The following POF1B variants were observed in gnomAD, a reference collection of about 807,000 sequenced individuals.
POF1B encodes protein POF1B.
POF1B carries 53 observed loss-of-function variants against 55.3 expected under a neutral mutation model. The observed-to-expected ratio is 0.96, with a 90% CI of 0.77 to 1.20. POF1B has a LOEUF of 1.20. Among genes scored for constraint, POF1B ranks in the 50% most tolerant of loss-of-function variants. The pLI is 0.00. For synonymous variants in POF1B, 188 were observed against 148.3 expected, an observed-to-expected ratio of 1.27 and a Z score of -1.95; for missense variants, 478 against 420.5, an observed-to-expected ratio of 1.14 and a Z score of -1.20.
At chrX:85,309,901 T>A (rs919669509) in intron 9 of POF1B, among the ~76,000 whole-genome samples, 3 of 112,083 alleles carry the variant, frequency 2.7e-5, no homozygotes, top group East Asian at 2.8e-4. Context: ...TGCACTGTGA[T>A]GTCAGTTGAG....
chrX:85,289,867 G>A (rs1406840844), intron 15 of POF1B, among the ~76,000 whole-genome samples: 4 of 111,293 alleles, frequency 3.6e-5, no homozygotes, highest in Non-Finnish European at 7.5e-5. Flanking sequence ...TCTAATTTTC[G>A]ACAGAAAATT....
chrX:85,357,945 C>T (rs190263191), intron 4 of POF1B, among the ~76,000 whole-genome samples: 188 of 111,046 alleles, frequency 1.7e-3, no homozygotes, highest in African/African-American at 5.4e-3. Context: ...TCTACTTCTC[C>T]TCCCACTCAC....
intron 6 of POF1B, among the ~76,000 whole-genome samples, chrX:85,333,136 G>T (rs188308560): frequency 1.1e-4 from 12 of 109,972 alleles, no homozygotes; most frequent in African/African-American, 3.6e-4. Context: ...ACTCTTTGGG[G>T]CACACACCAT....
Position 85,331,007 on chromosome X carries a change from G to A in POF1B, c.796C>T (p.Arg266Cys), listed in dbSNP as rs138273664. 10 of 1,202,119 alleles carry A rather than the reference G, an allele frequency of 8.3e-6. No individual in the cohort carries two copies. The highest frequency in any genetic ancestry group is 7.0e-5 in the African/African-American group (4 of 56,818). ...CAGTGATATAGATCCGTATTCTTAC[G>A]GCTCAGATCAGCAAGCAACTCTCCA... Reference protein sequence around the residue: ...YFGELLADLSRKNTDLYHCLL... With the variant: ...YFGELLADLSCKNTDLYHCLL... The change falls in exon 7 of 17, where the codon CGT (arginine) becomes TGT (cysteine). Residue 266 changes from arginine (R) to cysteine (C), a missense_variant. Coordinates refer to ENST00000262753, the MANE Select transcript of POF1B (RefSeq NM_024921.4).
At chrX:85,336,352 C>G (rs1266898410) in intron 6 of POF1B, among the ~76,000 whole-genome samples, 2 of 110,671 alleles carry the variant, frequency 1.8e-5, no homozygotes, top group Non-Finnish European at 3.8e-5. Flanking sequence ...CATATGGTAG[C>G]TCTATTTTTA....
intron 4 of POF1B, among the ~76,000 whole-genome samples, chrX:85,358,661 A>G (rs989321810): frequency 1.8e-5 from 2 of 111,168 alleles, no homozygotes; most frequent in African/African-American, 3.3e-5. Context: ...GAAAAAAATC[A>G]TAATGCAACA....
At chrX:85,358,762 C>T (rs1476586916) in intron 4 of POF1B, among the ~76,000 whole-genome samples, 5 of 110,727 alleles carry the variant, frequency 4.5e-5, no homozygotes, top group African/African-American at 1.6e-4. Context: ...ATTTAGAAGG[C>T]TCAGCTTATT....
intron 14 of POF1B, 51 bp downstream of exon 14, chrX:85,304,292 A>C: frequency 9.5e-7 from 1 of 1,052,693 alleles, no homozygotes; most frequent in East Asian, 3.5e-5. Context: ...CTACAGTACT[A>C]CAGTACTAAG....
intron 3 of POF1B, among the ~76,000 whole-genome samples, chrX:85,364,587 C>T (rs1933684008): frequency 9.0e-6 from 1 of 111,600 alleles, no homozygotes. Flanking sequence ...TCTACTCTCT[C>T]CTGGCTTGCA....
At chrX:85,379,053 A>G (rs750268187) in intron 2 of POF1B, 120 bp downstream of exon 2, 1 of 829,826 alleles carries the variant, frequency 1.2e-6, no homozygotes, top group East Asian at 3.4e-5. Flanking sequence ...TCCAAGGCAT[A>G]TATAACTGCA....
intron 2 of POF1B, among the ~76,000 whole-genome samples, chrX:85,371,593 T>G (rs961455290): frequency 1.3e-4 from 14 of 111,270 alleles, no homozygotes; most frequent in African/African-American, 4.6e-4. Context: ...TTTTGCCACG[T>G]TTATTGCTTG....
chrX:85,311,729 G>C (rs1932704105), intron 9 of POF1B, among the ~76,000 whole-genome samples: 1 of 111,931 alleles, frequency 8.9e-6, no homozygotes, highest in African/African-American at 3.3e-5. Context: ...GAGTCAAATG[G>C]TATTTCTAGT....
intron 16 of POF1B, among the ~76,000 whole-genome samples, chrX:85,280,467 C>T (rs1603016447): frequency 9.0e-6 from 1 of 110,845 alleles, no homozygotes; most frequent in East Asian, 2.9e-4. Flanking sequence ...TTTCCCAAAC[C>T]GAACATGCAT....
Position 85,339,391 on chromosome X carries a change from G to A in POF1B, c.723+6469C>T, listed in dbSNP as rs939797400. ...TGGGTACACAGCCAAACTATATCAG[G>A]GGCCAAGAATGGGTCCTTGGAGAAG... On this transcript the variant is annotated intron_variant, in intron 6 of 16. Transcript: ENST00000262753. Among the ~76,000 whole-genome samples the A allele has an allele frequency of 2.7e-5, 3 of 110,916 alleles. No homozygotes were observed. The Admixed American group carries it at 2.9e-4, about 11-fold the overall frequency.
At position 85,327,297 on chromosome X, in the gene POF1B, C is replaced by T. The variant is rs151018307; in HGVS notation, c.854+3652G>A. Among the ~76,000 whole-genome samples, 118 of 111,217 alleles carry T rather than the reference C, an allele frequency of 1.1e-3. No individual in the cohort carries two copies. The East Asian group carries it at 0.021, about 19-fold the overall frequency. On this transcript the variant is annotated intron_variant, in intron 7 of 16. Coordinates refer to ENST00000262753, the MANE Select transcript of POF1B (RefSeq NM_024921.4). ...TGTGTGGTAGCCCCTTTCAGGGTTCCCAGATTCTTCCCTCTTCAGCCCCCA... is the reference window on the plus strand; with the variant it reads ...TGTGTGGTAGCCCCTTTCAGGGTTCTCAGATTCTTCCCTCTTCAGCCCCCA...
In POF1B at chrX:85,294,074, G is replaced by A. The variant is rs767873185; in HGVS notation, c.1649+9332C>T. On this transcript the variant is annotated intron_variant, in intron 15 of 16. Transcript: ENST00000262753. The stretch of plus-strand genomic sequence containing the variant: ...GCTACTGAATTTTTACATTAGTTTT[G>A]TATTCTGAAACTTTACTGAAATCAT... 1.2e-4 allele frequency among the ~76,000 whole-genome samples: 13 copies of A among 112,177 alleles called. No homozygotes were observed. In the East Asian group the frequency reaches 3.6e-3, roughly 31 times the overall value.
intron 15 of POF1B, among the ~76,000 whole-genome samples, chrX:85,283,506 ATAATT>A (rs1368084345): frequency 1.8e-5 from 2 of 111,256 alleles, no homozygotes; most frequent in African/African-American, 6.5e-5. Flanking sequence ...ATCAAAATAA[ATAATT>A]TAAAATAAAA....
At chrX:85,367,467 G>A (rs1008787741) in intron 3 of POF1B, among the ~76,000 whole-genome samples, 7 of 112,152 alleles carry the variant, frequency 6.2e-5, no homozygotes, top group Non-Finnish European at 3.8e-5. Flanking sequence ...CAGTCAGATT[G>A]AACAGGCAAT....
Position 85,315,710 on chromosome X carries a change from A to C in POF1B, c.879T>G (p.Asp293Glu). The C allele has an allele frequency of 2.6e-6, 3 of 1,175,029 alleles. No homozygotes were observed. Among genetic ancestry groups the C allele is most frequent in the Non-Finnish European group, 3.4e-6 (3 of 879,425 alleles). The change falls in exon 8 of 17, where the codon GAT becomes GAG. Residue 293 changes from aspartate (D) to glutamate (E), a missense_variant. Coordinates refer to ENST00000262753, the MANE Select transcript of POF1B (RefSeq NM_024921.4). ...TTTCAACTATCTTTGCACTTACCTC[A>C]TCTGTAGACTCAAAGTCCTGTTTGC... ...GGSKQDFEST[D>E]ESEDIESLIP... is the part of the protein sequence containing the mutation.
Sources: gnomAD v4.1 joint callset for allele counts (sites outside exome capture counted in the v4.1 genomes callset) on GRCh38, gnomAD v4.1.1 for gene constraint, MANE v1.5 for transcripts, NCBI Gene and HGNC (gene_info 2026-07-23, HGNC 2026-07-21) for gene names.